The following SPHKAP variants were observed in gnomAD, a reference collection of about 807,000 sequenced individuals.
SPHKAP encodes A-kinase anchor protein SPHKAP.
Under a neutral mutation model 137.5 loss-of-function variants are expected in SPHKAP, and 67 were observed. That is an observed-to-expected ratio of 0.49 (90% CI 0.40 to 0.60). The LOEUF (loss-of-function observed/expected upper bound fraction) is 0.60. SPHKAP is among the 20% of genes least tolerant of loss of function. The pLI, the probability that SPHKAP is intolerant of heterozygous loss-of-function variation, is 0.00. For missense variants in SPHKAP, 2,097 were observed against 2,069.3 expected (o/e 1.01, Z -0.26); for synonymous variants, 813 against 785.3 (o/e 1.04, Z -0.59).
chr2:228,154,508 C>CTTTA (rs1331355468), intron 1 of SPHKAP, among the ~76,000 whole-genome samples: 1 of 34,574 alleles, frequency 2.9e-5, no homozygotes, highest in Non-Finnish European at 5.1e-5. Context: ...CTCTCTCTCT[C>CTTTA]TCTCTATATA....
chr2:228,019,676 G>A lies in SPHKAP; in HGVS notation c.1178C>T (p.Thr393Ile). Residue 393 changes from threonine (T) to isoleucine (I), a missense_variant, in exon 7 of 12, where the codon ACA becomes ATA. Physicochemically the swap from Thr to Ile is moderately conservative, Grantham distance 89. Coordinates refer to ENST00000392056, the MANE Select transcript of SPHKAP (RefSeq NM_001142644.2). The part of the protein sequence containing the change: ...DGEVTTGKYA[T>I]NLAESVLQDA... ...CTGCAGCACGGATTCTGCTAAATTT[G>A]TAGCATACTTGCCAGTGGTGACTTC... 3 of 1,614,182 alleles carry A rather than the reference G, an allele frequency of 1.9e-6. No homozygotes were observed. Among genetic ancestry groups the A allele is most frequent in the Non-Finnish European group, 2.5e-6 (3 of 1,180,022 alleles).
chr2:228,157,961 G>A (rs1224725057), intron 1 of SPHKAP, among the ~76,000 whole-genome samples: 1 of 152,212 alleles, frequency 6.6e-6, no homozygotes, highest in Admixed American at 6.5e-5. Flanking sequence ...TTAGCCTGCT[G>A]TAGAATGCAT....
At chr2:228,054,182 G>A (rs530215801) in intron 3 of SPHKAP, among the ~76,000 whole-genome samples, 18 of 152,300 alleles carry the variant, frequency 1.2e-4, no homozygotes, top group Admixed American at 1.2e-3. Flanking sequence ...CAGAGACAAC[G>A]TGGAGAGGAT....
chr2:228,050,663 G>A (rs777780652), intron 3 of SPHKAP, among the ~76,000 whole-genome samples: 1 of 152,026 alleles, frequency 6.6e-6, no homozygotes, highest in Non-Finnish European at 1.5e-5. Flanking sequence ...TTCCTCTAGC[G>A]ATTTTGAAGT....
At chr2:228,148,449 G>A (rs1699839933) in intron 1 of SPHKAP, among the ~76,000 whole-genome samples, 1 of 152,180 alleles carries the variant, frequency 6.6e-6, no homozygotes, top group African/African-American at 2.4e-5. Context: ...CACAGAATGG[G>A]TAAAATTTGA....
chr2:228,135,223 G>A (rs1029233360), intron 1 of SPHKAP, among the ~76,000 whole-genome samples: 10 of 146,958 alleles, frequency 6.8e-5, no homozygotes, highest in African/African-American at 2.3e-4. Flanking sequence ...GTGGTGGGCC[G>A]AGATCGTGCC....
At chr2:228,109,950 A>C (rs7565555) in intron 2 of SPHKAP, among the ~76,000 whole-genome samples, 126,938 of 126,982 alleles carry the variant, frequency 1, 63,447 homozygotes, top group Middle Eastern at 1. Context: ...AAGAGTGAAA[A>C]TGTCTCAAAA....
chr2:228,102,698 A>C (rs1318122929), intron 3 of SPHKAP, among the ~76,000 whole-genome samples: 2 of 152,116 alleles, frequency 1.3e-5, no homozygotes, highest in African/African-American at 2.4e-5. Flanking sequence ...ATCCACTTCA[A>C]GTTTAGCCTT....
At chr2:228,117,316 G>T (rs1236692385) in intron 2 of SPHKAP, among the ~76,000 whole-genome samples, 1 of 152,118 alleles carries the variant, frequency 6.6e-6, no homozygotes, top group African/African-American at 2.4e-5. Context: ...TAATGAATGT[G>T]TGCTGGAGAT....
At chr2:228,005,912 G>C (rs182082728) in intron 7 of SPHKAP, among the ~76,000 whole-genome samples, 160 of 152,362 alleles carry the variant, frequency 1.1e-3, no homozygotes, top group African/African-American at 3.7e-3. Context: ...GAGATCAGCT[G>C]TTAGTCTGAT....
intron 3 of SPHKAP, among the ~76,000 whole-genome samples, chr2:228,069,451 T>TTC (rs200093129): frequency 2.6e-3 from 22 of 8,500 alleles, no homozygotes; most frequent in Non-Finnish European, 4.1e-3. Flanking sequence ...CTTTCTTTCT[T>TTC]TTTTTTTTTT....
At chr2:228,078,576 A>T (rs1697257022) in intron 3 of SPHKAP, among the ~76,000 whole-genome samples, 1 of 151,992 alleles carries the variant, frequency 6.6e-6, no homozygotes, top group African/African-American at 2.4e-5. Flanking sequence ...GTGGAATAGG[A>T]CTCTTTAACA....
At chr2:228,171,307 G>A (rs1700579279) in intron 1 of SPHKAP, among the ~76,000 whole-genome samples, 1 of 151,902 alleles carries the variant, frequency 6.6e-6, no homozygotes, top group Admixed American at 6.6e-5. Flanking sequence ...AACTTTTCTT[G>A]ACTTTGGTTT....
chr2:228,099,779 TTG>T (rs1180297979), intron 3 of SPHKAP, among the ~76,000 whole-genome samples: 6 of 151,630 alleles, frequency 4.0e-5, no homozygotes, highest in Non-Finnish European at 7.4e-5. Flanking sequence ...GTGTGTGTGT[TTG>T]TGTGTGTGTG....
chr2:228,065,354 C>A (rs1696790921), intron 3 of SPHKAP, among the ~76,000 whole-genome samples: 2 of 152,222 alleles, frequency 1.3e-5, no homozygotes, highest in African/African-American at 4.8e-5. Flanking sequence ...AAAGGAGGTA[C>A]CAGCATTGCC....
At chr2:228,077,240 C>G (rs1197491225) in intron 3 of SPHKAP, among the ~76,000 whole-genome samples, 1 of 152,168 alleles carries the variant, frequency 6.6e-6, no homozygotes, top group Non-Finnish European at 1.5e-5. Context: ...GCCTCCCCCA[C>G]CCCCACAGAG....
chr2:228,144,006 C>A (rs942729915), intron 1 of SPHKAP, among the ~76,000 whole-genome samples: 10 of 152,174 alleles, frequency 6.6e-5, no homozygotes, highest in Non-Finnish European at 1.2e-4. Context: ...ACAGGCCAGG[C>A]ACAGTTGCTG....
chr2:227,995,846 G>T, intron 7 of SPHKAP, 152 bp from the exon 8 acceptor site: 1 of 1,262,074 alleles, frequency 7.9e-7, no homozygotes, highest in Non-Finnish European at 1.0e-6. Context: ...GGTGCCCTAG[G>T]TCCCATTTGC....
At chr2:228,079,633 T>C (rs1697294813) in intron 3 of SPHKAP, among the ~76,000 whole-genome samples, 1 of 152,228 alleles carries the variant, frequency 6.6e-6, no homozygotes, top group Admixed American at 6.5e-5. Context: ...TTCCAGTGCC[T>C]GACCAGCCCC....
Sources: gnomAD v4.1 joint callset for allele counts (sites outside exome capture counted in the v4.1 genomes callset) on GRCh38, gnomAD v4.1.1 for gene constraint, MANE v1.5 for transcripts, NCBI Gene and HGNC (gene_info 2026-07-23, HGNC 2026-07-21) for gene names.